The following NKAIN3 variants were observed in gnomAD, a reference collection of about 807,000 sequenced individuals.
NKAIN3 encodes the protein sodium/potassium-transporting ATPase subunit beta-1-interacting protein 3.
NKAIN3 carries 25 observed loss-of-function variants against 30.2 expected under a neutral mutation model. The ratio of observed to expected loss-of-function variants is 0.83; its 90% CI spans 0.60 to 1.16. The LOEUF (loss-of-function observed/expected upper bound fraction) is 1.16. Ranked by LOEUF, NKAIN3 falls within the 50% of genes most tolerant of loss-of-function variation. The pLI is 0.00. For synonymous variants in NKAIN3, 91 were observed against 89.6 expected, an observed-to-expected ratio of 1.02 and a Z score of -0.09; for missense variants, 225 against 254.1, an observed-to-expected ratio of 0.89 and a Z score of 0.78.
At chr8:62,746,221 T>C (rs533641197) in intron 3 of NKAIN3, among the ~76,000 whole-genome samples, 2 of 152,332 alleles carry the variant, frequency 1.3e-5, no homozygotes, top group South Asian at 4.1e-4. Context: ...CAGTCTCTGC[T>C]TCTATGGTCA....
At chr8:62,913,775 A>G (rs1159561197) in intron 4 of NKAIN3, among the ~76,000 whole-genome samples, 1 of 152,242 alleles carries the variant, frequency 6.6e-6, no homozygotes, top group Non-Finnish European at 1.5e-5. Context: ...AATGCAAAAT[A>G]AAAACAACAA....
At chr8:62,798,494 C>A (rs1817943124) in intron 4 of NKAIN3, among the ~76,000 whole-genome samples, 2 of 152,106 alleles carry the variant, frequency 1.3e-5, no homozygotes, top group South Asian at 4.1e-4. Flanking sequence ...ATGGTGTGAA[C>A]CCAGGAGGCG....
At chr8:62,768,575 C>A (rs1163238842) in intron 4 of NKAIN3, among the ~76,000 whole-genome samples, 1 of 152,028 alleles carries the variant, frequency 6.6e-6, no homozygotes. Flanking sequence ...AGTTCTATCA[C>A]GGGAAATGAA....
At chr8:62,507,171 T>C (rs1807669415) in intron 1 of NKAIN3, among the ~76,000 whole-genome samples, 1 of 152,202 alleles carries the variant, frequency 6.6e-6, no homozygotes. Context: ...ATTATATGTC[T>C]GTCAGTTTCA....
intron 4 of NKAIN3, among the ~76,000 whole-genome samples, chr8:62,912,227 T>G (rs188662888): frequency 6.6e-6 from 1 of 152,210 alleles, no homozygotes; most frequent in East Asian, 1.9e-4. Context: ...ACATAAAAGT[T>G]AATAAGCCTG....
chr8:62,260,575 C>G (rs1679114007), intron 1 of NKAIN3, among the ~76,000 whole-genome samples: 4 of 152,024 alleles, frequency 2.6e-5, no homozygotes, highest in Non-Finnish European at 5.9e-5. Flanking sequence ...TCTTAAATGT[C>G]TCTGAGAATG....
intron 3 of NKAIN3, among the ~76,000 whole-genome samples, chr8:62,622,888 T>C (rs1205283903): frequency 2.0e-5 from 3 of 152,078 alleles, no homozygotes; most frequent in Non-Finnish European, 4.4e-5. Context: ...CTAAAAGTTT[T>C]ACAGATTTAT....
chr8:62,307,737 C>A (rs1370382527), intron 1 of NKAIN3, among the ~76,000 whole-genome samples: 1 of 150,754 alleles, frequency 6.6e-6, no homozygotes, highest in Non-Finnish European at 1.5e-5. Flanking sequence ...ACAAATAATT[C>A]TCTAAGCGCA....
At chr8:62,257,345 T>G (rs1812295507) in intron 1 of NKAIN3, among the ~76,000 whole-genome samples, 1 of 152,238 alleles carries the variant, frequency 6.6e-6, no homozygotes, top group South Asian at 2.1e-4. Context: ...TCTCTTAAGC[T>G]TCAGTTACTT....
chr8:62,993,353 A>G (rs1272645460), intron 5 of NKAIN3, among the ~76,000 whole-genome samples: 7 of 152,232 alleles, frequency 4.6e-5, no homozygotes, highest in Non-Finnish European at 1.0e-4. Context: ...TATTTGATGT[A>G]TTAGGATTTT....
chr8:62,797,537 C>T (rs951954234), intron 4 of NKAIN3, among the ~76,000 whole-genome samples: 2 of 152,200 alleles, frequency 1.3e-5, no homozygotes, highest in African/African-American at 4.8e-5. Context: ...TGACCTCCCT[C>T]AGCTCGCAGG....
rs372095833 is a variant in NKAIN3, at chr8:62,983,484, T to C, written c.*18077T>C. The C allele has an allele frequency of 1.3e-5, 2 of 152,206 alleles. No homozygotes were observed. Among genetic ancestry groups the C allele is most frequent in the Non-Finnish European group, 2.9e-5 (2 of 68,040 alleles). 9.4% of individuals were successfully genotyped at this position (152,206 alleles called of 1,614,324 possible). A position where few individuals can be genotyped will look rare whatever the true frequency, so the allele number is the denominator to read the frequency against. ...AAACACTTAGTGACCATCTGTCTTG[T>C]GCAAAAAGCTTGGGGAGTGATAAAA... is the stretch of plus-strand genomic sequence containing the variant. On this transcript the variant is annotated 3_prime_UTR_variant, in exon 7 of 7. Transcript: ENST00000623646.
chr8:62,640,322 A>C (rs1812270171), intron 3 of NKAIN3, among the ~76,000 whole-genome samples: 1 of 151,904 alleles, frequency 6.6e-6, no homozygotes, highest in African/African-American at 2.4e-5. Flanking sequence ...ATGAGATCTG[A>C]TGGTTTTATA....
chr8:62,371,456 T>C (rs1239828406), intron 1 of NKAIN3, among the ~76,000 whole-genome samples: 1 of 151,912 alleles, frequency 6.6e-6, no homozygotes, highest in East Asian at 1.9e-4. Flanking sequence ...ATCCATTGGT[T>C]ACCTGTTTTC....
At chr8:62,987,435 T>TA (rs948618728), downstream of NKAIN3, among the ~76,000 whole-genome samples, 2 of 151,998 alleles carry the variant, frequency 1.3e-5, no homozygotes, top group South Asian at 2.1e-4. Flanking sequence ...GGGTAATTTA[T>TA]AAAAAATAAG....
intron 1 of NKAIN3, among the ~76,000 whole-genome samples, chr8:62,513,909 C>T (rs527414106): frequency 2.8e-5 from 4 of 144,142 alleles, no homozygotes; most frequent in East Asian, 2.1e-4. Flanking sequence ...TGTAAAGATC[C>T]GGTGGAGGAA....
At chr8:62,660,300 G>A (rs1341056548) in intron 3 of NKAIN3, among the ~76,000 whole-genome samples, 16 of 152,216 alleles carry the variant, frequency 1.1e-4, no homozygotes, top group Admixed American at 1.0e-3. Context: ...TTACAAAGAT[G>A]TTGTGAAGAT....
At chr8:62,442,938 C>A (rs1273473602) in intron 1 of NKAIN3, among the ~76,000 whole-genome samples, 1 of 151,876 alleles carries the variant, frequency 6.6e-6, no homozygotes, top group Non-Finnish European at 1.5e-5. Flanking sequence ...AAAAATATAT[C>A]ATACATAATA....
intron 3 of NKAIN3, among the ~76,000 whole-genome samples, chr8:62,590,889 A>G (rs1810631008): frequency 6.6e-6 from 1 of 151,920 alleles, no homozygotes; most frequent in Non-Finnish European, 1.5e-5. Context: ...AACCAGAAGC[A>G]ACGTTTCCAA....
Sources: allele counts gnomAD v4.1 joint callset (sites outside exome capture counted in the v4.1 genomes callset), GRCh38; gene constraint gnomAD v4.1.1; transcripts MANE v1.5; gene names NCBI Gene and HGNC (gene_info 2026-07-23, HGNC 2026-07-21).